Variants in ANO5 observed in about 807,000 individuals in gnomAD.
The protein encoded by ANO5 is anoctamin 5, also known as anoctamin-5.
A neutral mutation model predicts 121.0 loss-of-function variants in ANO5; 109 were observed. The observed-to-expected ratio is 0.90, with a 90% CI of 0.77 to 1.06. The LOEUF (loss-of-function observed/expected upper bound fraction) is 1.06, where lower values mean the gene tolerates loss of function less well. Among genes scored for constraint, ANO5 ranks in the 50% least tolerant of loss-of-function variants. The pLI is 0.00. For missense variants in ANO5, 1,064 were observed against 1,078.5 expected (o/e 0.99, Z 0.19); for synonymous variants, 406 against 359.9 (o/e 1.13, Z -1.45).
At chr11:22,236,319 C>G (rs778814564) in intron 8 of ANO5, 43 bp downstream of exon 8, 5 of 1,467,330 alleles carry the variant, frequency 3.4e-6, no homozygotes, top group South Asian at 1.1e-5. Flanking sequence ...TTATTTTCCT[C>G]CTGCCATGTT....
intron 6 of ANO5, among the ~76,000 whole-genome samples, chr11:22,226,709 TAAAGAA>T (rs1358382376): frequency 6.6e-6 from 1 of 152,014 alleles, no homozygotes; most frequent in African/African-American, 2.4e-5. Context: ...CGCTCTGTCT[TAAAGAA>T]AAAGAAAAGA....
At chr11:22,277,006 A>G (rs1489885090) in intron 21 of ANO5, among the ~76,000 whole-genome samples, 4 of 151,650 alleles carry the variant, frequency 2.6e-5, no homozygotes, top group African/African-American at 9.7e-5. Flanking sequence ...GCAATCGTAC[A>G]TAATATACCT....
intron 12 of ANO5, among the ~76,000 whole-genome samples, chr11:22,253,342 C>G (rs1853889282): frequency 6.6e-6 from 1 of 152,218 alleles, no homozygotes; most frequent in South Asian, 2.1e-4. Flanking sequence ...ATTAATTTAT[C>G]TCACAATCCC....
chr11:22,280,014 T>C lies in ANO5; in HGVS notation c.*249T>C, dbSNP rs1382570924. On this transcript the variant is annotated 3_prime_UTR_variant, in exon 22 of 22. Transcript: ENST00000324559. ...TTTTCTGAGGTGCTGTAAATGACTG[T>C]TGAAAGTGCAGGTAGAATCAGAATA... 5.9e-5 allele frequency: 29 copies of C among 489,976 alleles called. No homozygotes were observed. The South Asian group carries it at 7.1e-4, about 12-fold the overall frequency. The allele number at this position is 489,976 out of a possible 1,614,324, so 30.4% of individuals were successfully genotyped here. A position where few individuals can be genotyped will look rare whatever the true frequency, so the allele number is the denominator to read the frequency against.
At chr11:22,200,082 A>T (rs1348530999) in intron 1 of ANO5, among the ~76,000 whole-genome samples, 1 of 152,168 alleles carries the variant, frequency 6.6e-6, no homozygotes, top group Non-Finnish European at 1.5e-5. Flanking sequence ...AAATGCTGAC[A>T]TATTTCATTT....
At chr11:22,266,796 G>T (rs1854382782) in intron 17 of ANO5, among the ~76,000 whole-genome samples, 1 of 152,072 alleles carries the variant, frequency 6.6e-6, no homozygotes, top group Non-Finnish European at 1.5e-5. Flanking sequence ...ATTCTTAGTT[G>T]TGGGGTGTGG....
At chr11:22,218,704 G>A (rs117023318) in intron 4 of ANO5, among the ~76,000 whole-genome samples, 2,699 of 152,040 alleles carry the variant, frequency 0.018, 37 homozygotes, top group Non-Finnish European at 0.029. Context: ...GGGACCACAG[G>A]GGCACACCAC....
At chr11:22,233,749 C>A (rs1590255934) in intron 7 of ANO5, among the ~76,000 whole-genome samples, 1 of 151,984 alleles carries the variant, frequency 6.6e-6, no homozygotes, top group East Asian at 1.9e-4. Flanking sequence ...TGAAGCATTC[C>A]AAGGAGTTTT....
chr11:22,263,097 C>T (rs1318685268), intron 17 of ANO5, 54 bp downstream of exon 17: 1 of 1,453,246 alleles, frequency 6.9e-7, no homozygotes, highest in East Asian at 2.3e-5. Flanking sequence ...GAGATATTTC[C>T]TCTAGAAGAA....
chr11:22,195,761 G>A (rs996938603), intron 1 of ANO5, among the ~76,000 whole-genome samples: 2 of 152,124 alleles, frequency 1.3e-5, no homozygotes, highest in Non-Finnish European at 2.9e-5. Context: ...AAGGGCCTTT[G>A]TAATCTATTT....
intron 9 of ANO5, among the ~76,000 whole-genome samples, chr11:22,247,016 A>G (rs761359387): frequency 6.6e-6 from 1 of 152,128 alleles, no homozygotes; most frequent in African/African-American, 2.4e-5. Flanking sequence ...GTTTCCTAAC[A>G]TGAATTTGTT....
chr11:22,221,719 T>G lies in ANO5; in HGVS notation c.294+509T>G, dbSNP rs79021920. Among the ~76,000 whole-genome samples, 2,238 of 152,044 alleles carry G rather than the reference T, an allele frequency of 0.015. 154 individuals are homozygous for G. In the East Asian group the frequency reaches 0.21, roughly 14 times the overall value. On this transcript the variant is annotated intron_variant, in intron 5 of 21. Transcript: ENST00000324559. ...TATGAGGCCAAGCACTTTGTCTTGT[T>G]CACCGTTATGTACCCAAATCCTAGA...
chr11:22,227,159 CAA>C, intron 6 of ANO5, 141 bp from the exon 7 acceptor site: 1 of 1,116,398 alleles, frequency 9.0e-7, no homozygotes, highest in Non-Finnish European at 1.3e-6. Flanking sequence ...TTTGTTTTCT[CAA>C]AGTTTTGCCT....
In ANO5 at chr11:22,280,511, G is replaced by T. The variant is rs905515475; in HGVS notation, c.*746G>T. 1.3e-5 allele frequency: 2 copies of T among 151,930 alleles called. No homozygotes were observed. The highest frequency in any genetic ancestry group is 4.1e-4 in the South Asian group (2 of 4,824). 9.4% of individuals were successfully genotyped at this position (151,930 alleles called of 1,614,324 possible). A position where few individuals can be genotyped will look rare whatever the true frequency, so the allele number is the denominator to read the frequency against. ...TTATGAAGCTGTTAGATTGCTTCAGGTTCTCAAGCAAAGACACAATACAGA... is the reference window on the plus strand; with the variant it reads ...TTATGAAGCTGTTAGATTGCTTCAGTTTCTCAAGCAAAGACACAATACAGA... On this transcript the variant is annotated 3_prime_UTR_variant, in exon 22 of 22. Transcript: ENST00000324559.
At chr11:22,267,603 C>T (rs775843080) in intron 17 of ANO5, among the ~76,000 whole-genome samples, 2 of 135,808 alleles carry the variant, frequency 1.5e-5, no homozygotes, top group Non-Finnish European at 3.0e-5. Context: ...ATCCCTGTAC[C>T]AGTACAACAA....
Position 22,255,375 on chromosome 11 carries a change from C to T in ANO5, c.1185C>T (p.Thr395=). ...TATATATTTATTTACCTATAGTCAC[C>T]TTATTTTTGGAGTTTTGGAAACAAC... The part of the protein sequence containing the change: ...FFAIFMGIWV[T]LFLEFWKQRQ... The change falls in exon 13 of 22, where the codon ACC becomes ACT. Residue 395 remains threonine (T), a synonymous_variant. Transcript: ENST00000324559. 1.2e-6 allele frequency: 2 copies of T among 1,607,732 alleles called. No homozygotes were observed. Among genetic ancestry groups the T allele is most frequent in the Non-Finnish European group, 1.7e-6 (2 of 1,175,872 alleles).
At position 22,221,097 on chromosome 11, in the gene ANO5, T is replaced by C; in HGVS notation, c.181T>C (p.Phe61Leu). 1 of 1,606,844 alleles carries C rather than the reference T, an allele frequency of 6.2e-7. No individual in the cohort carries two copies. The highest frequency in any genetic ancestry group is 1.1e-5 in the South Asian group (1 of 90,870). Residue 61 changes from phenylalanine to leucine, a missense_variant and splice_region_variant, in exon 5 of 22, where the codon TTT (phenylalanine) becomes CTT (leucine). By Grantham distance (22) the Phe-to-Leu change is conservative. Coordinates refer to ENST00000324559, the MANE Select transcript of ANO5 (RefSeq NM_213599.3). Reference protein sequence around the residue: ...FNLFLRRRLMFQKNQQSKDSI... With the variant: ...FNLFLRRRLMLQKNQQSKDSI... ...ATTGTGTCATTTATGTCTCCTGCAGTTTCAAAAAAATCAGCAAAGCAAAGA... is the reference window on the plus strand; with the variant it reads ...ATTGTGTCATTTATGTCTCCTGCAGCTTCAAAAAAATCAGCAAAGCAAAGA...
intron 1 of ANO5, 66 bp from the exon 2 acceptor site, chr11:22,203,738 A>G: frequency 9.9e-7 from 1 of 1,012,294 alleles, no homozygotes; most frequent in Non-Finnish European, 1.5e-6. Context: ...TTCCTTACAC[A>G]GACTTTTGAA....
At chr11:22,214,778 G>A (rs1480407100) in intron 3 of ANO5, among the ~76,000 whole-genome samples, 1 of 152,018 alleles carries the variant, frequency 6.6e-6, no homozygotes, top group Non-Finnish European at 1.5e-5. Flanking sequence ...GGGTAGAGAG[G>A]AGTGGAGAGG....
Sources: allele counts gnomAD v4.1 joint callset (sites outside exome capture counted in the v4.1 genomes callset), GRCh38; gene constraint gnomAD v4.1.1; transcripts MANE v1.5; gene names NCBI Gene and HGNC (gene_info 2026-07-23, HGNC 2026-07-21).